LRRC49: variants seen among roughly 807,000 people sequenced by gnomAD.
The protein encoded by LRRC49 is leucine-rich repeat-containing protein 49.
A neutral mutation model predicts 83.3 loss-of-function variants in LRRC49; 50 were observed. The ratio of observed to expected loss-of-function variants is 0.60; its 90% CI spans 0.48 to 0.76. LRRC49 has a LOEUF of 0.76. LRRC49 is among the 30% of genes least tolerant of loss of function. The probability of loss-of-function intolerance (pLI) is 0.00; values close to 1 mark genes in which losing one functional copy is unlikely to be tolerated. For synonymous variants in LRRC49, 286 were observed against 283.3 expected, an observed-to-expected ratio of 1.01 and a Z score of -0.10; for missense variants, 704 against 809.1, an observed-to-expected ratio of 0.87 and a Z score of 1.58.
At chr15:70,991,906 TTGTC>T (rs1280321792) in intron 11 of LRRC49, among the ~76,000 whole-genome samples, 1 of 152,196 alleles carries the variant, frequency 6.6e-6, no homozygotes, top group African/African-American at 2.4e-5. Context: ...GTTTTGGAAA[TTGTC>T]TGTAGTTAGA....
At chr15:70,979,420 G>A (rs961285761) in intron 9 of LRRC49, among the ~76,000 whole-genome samples, 1 of 151,670 alleles carries the variant, frequency 6.6e-6, no homozygotes, top group African/African-American at 2.4e-5. Flanking sequence ...CCACAATCAA[G>A]TTAGTTAATA....
chr15:70,984,218 T>C lies in LRRC49; in HGVS notation c.1130T>C (p.Ile377Thr), dbSNP rs567726308. 3 of 1,613,162 alleles carry C rather than the reference T, an allele frequency of 1.9e-6. No homozygotes were observed. The highest frequency in any genetic ancestry group is 4.5e-5 in the East Asian group (2 of 44,812). Residue 377 changes from isoleucine to threonine, a missense_variant, in exon 11 of 16, where the codon ATT (isoleucine) becomes ACT (threonine). Coordinates refer to ENST00000260382, the MANE Select transcript of LRRC49 (RefSeq NM_017691.5). Reference protein sequence around the residue: ...DSDSPQDPCQIDGSTLSAFPE... With the variant: ...DSDSPQDPCQTDGSTLSAFPE... ...GACTCTCCTCAGGACCCCTGTCAGATTGATGGAAGCACCCTCTCTGCATTC... is the reference window on the plus strand; with the variant it reads ...GACTCTCCTCAGGACCCCTGTCAGACTGATGGAAGCACCCTCTCTGCATTC...
At position 70,892,879 on chromosome 15, in the gene LRRC49, T is replaced by C; in HGVS notation, c.-16T>C. On this transcript the variant is annotated 5_prime_UTR_variant, in exon 1 of 16. Transcript: ENST00000260382. ...TGGAAGGCAGATCTAACAGAGAACC[T>C]GGACTGTCTCCTATCATGATTCCCG... is the stretch of plus-strand genomic sequence containing the variant. 2 of 1,614,212 alleles carry C rather than the reference T, an allele frequency of 1.2e-6. No individual in the cohort carries two copies. The highest frequency in any genetic ancestry group is 1.7e-6 in the Non-Finnish European group (2 of 1,180,036).
At chr15:70,885,097 A>C (rs1388538404) in intron 2 of LRRC49, among the ~76,000 whole-genome samples, 1 of 152,190 alleles carries the variant, frequency 6.6e-6, no homozygotes, top group African/African-American at 2.4e-5. Flanking sequence ...ATTTGAACAT[A>C]AATCTCTTGT....
intron 7 of LRRC49, among the ~76,000 whole-genome samples, chr15:70,930,953 C>T (rs1014031120): frequency 5.3e-5 from 8 of 152,176 alleles, no homozygotes; most frequent in Non-Finnish European, 7.4e-5. Flanking sequence ...CCAGACCATT[C>T]AAACTTTCTT....
intron 2 of LRRC49, among the ~76,000 whole-genome samples, chr15:70,884,629 C>A (rs945359201): frequency 6.6e-6 from 1 of 152,022 alleles, no homozygotes; most frequent in Admixed American, 6.5e-5. Flanking sequence ...GGTTTATCTC[C>A]ACGTTTATTA....
intron 15 of LRRC49, among the ~76,000 whole-genome samples, chr15:71,042,326 A>C (rs2039721081): frequency 6.6e-6 from 1 of 152,198 alleles, no homozygotes. Context: ...AGTCTTGATT[A>C]AAGTGATATG....
chr15:70,956,106 T>A (rs559791252), intron 8 of LRRC49, among the ~76,000 whole-genome samples: 2 of 152,280 alleles, frequency 1.3e-5, no homozygotes, highest in Middle Eastern at 3.4e-3. Context: ...GTACTTAGCT[T>A]ACTTAGGGGA....
chr15:70,909,879 A>ACACACAC lies in LRRC49; in HGVS notation c.501-1653_501-1652insCACACAC, dbSNP rs765588937. Among the ~76,000 whole-genome samples, 212 of 76,974 alleles carry ACACACAC rather than the reference A, an allele frequency of 2.8e-3. 2 individuals carry two copies. The highest frequency in any genetic ancestry group is 0.019 in the Middle Eastern group (3 of 158). 50.5% of individuals were successfully genotyped at this position (76,974 alleles called of 152,430 possible). ...ACACACACACACACACACACACACA[A>ACACACAC]AACAAACAAAAAAAGAAAGTTGTAG... On this transcript the variant is annotated intron_variant, in intron 5 of 15. Transcript: ENST00000260382.
chr15:70,916,750 G>A (rs2034792847), intron 6 of LRRC49, among the ~76,000 whole-genome samples: 1 of 152,144 alleles, frequency 6.6e-6, no homozygotes, highest in African/African-American at 2.4e-5. Flanking sequence ...GTTGGGGCGG[G>A]AGCTCCCCGG....
intron 15 of LRRC49, among the ~76,000 whole-genome samples, chr15:71,045,863 T>C (rs536130786): frequency 1.3e-5 from 2 of 152,256 alleles, no homozygotes; most frequent in South Asian, 4.1e-4. Context: ...CCACCCTCTA[T>C]GTTGTTCCCA....
chr15:70,936,817 A>G lies in LRRC49; in HGVS notation c.768A>G (p.Ile256Met). The change falls in exon 8 of 16, where the codon ATA (isoleucine) becomes ATG (methionine). Residue 256 changes from isoleucine (I) to methionine (M), a missense_variant. Transcript: ENST00000260382. The stretch of plus-strand genomic sequence containing the variant: ...ATCTCTTTCTCAGCTTTAACAATAT[A>G]TCTAGGTAAGTGGAAACTCCCAAGT... Reference protein sequence around the residue: ...LQHLFLSFNNISSFDSVSCLA... With the variant: ...LQHLFLSFNNMSSFDSVSCLA... The G allele has an allele frequency of 6.2e-7, 1 of 1,604,630 alleles. No homozygotes were observed. The highest frequency in any genetic ancestry group is 1.1e-5 in the South Asian group (1 of 90,674).
intron 8 of LRRC49, among the ~76,000 whole-genome samples, chr15:70,952,595 T>C (rs1447219943): frequency 6.6e-6 from 1 of 152,164 alleles, no homozygotes; most frequent in Non-Finnish European, 1.5e-5. Context: ...ATGAGAAGAA[T>C]GTATACTTTC....
chr15:70,975,811 G>A (rs991193272), intron 9 of LRRC49, among the ~76,000 whole-genome samples: 1 of 152,010 alleles, frequency 6.6e-6, no homozygotes, highest in African/African-American at 2.4e-5. Flanking sequence ...AAAAAAAGGA[G>A]CTCATCTCAT....
intron 2 of LRRC49, chr15:70,881,596 A>C (rs1348338012): frequency 9.2e-5 from 14 of 152,194 alleles, no homozygotes. Flanking sequence ...TTGCCATAGA[A>C]ATTTTTCCTG....
At chr15:70,941,085 T>C (rs749952450) in intron 8 of LRRC49, among the ~76,000 whole-genome samples, 2 of 152,182 alleles carry the variant, frequency 1.3e-5, no homozygotes, top group African/African-American at 2.4e-5. Context: ...AGGTGGCATA[T>C]AGTGCCTTAG....
chr15:70,864,242 T>A (rs1468093597), intron 1 of LRRC49, among the ~76,000 whole-genome samples: 3 of 152,114 alleles, frequency 2.0e-5, no homozygotes, highest in Non-Finnish European at 4.4e-5. Context: ...CCCCCCAGAA[T>A]GGGTGACAGA....
At chr15:70,892,509 A>G, upstream of LRRC49, 2 of 1,524,490 alleles carry the variant, frequency 1.3e-6, no homozygotes, top group Non-Finnish European at 1.8e-6. Flanking sequence ...GCCAGTGGAC[A>G]CAAGCAGAGG....
chr15:70,882,813 TG>T (rs1233484247), intron 2 of LRRC49: 9 of 1,614,106 alleles, frequency 5.6e-6, no homozygotes, highest in Non-Finnish European at 5.9e-6. Context: ...TTTTATGCAC[TG>T]GGCCTTCTTC....
Sources: gnomAD v4.1 joint callset for allele counts (sites outside exome capture counted in the v4.1 genomes callset) on GRCh38, gnomAD v4.1.1 for gene constraint, MANE v1.5 for transcripts, NCBI Gene and HGNC (gene_info 2026-07-23, HGNC 2026-07-21) for gene names.